Variants in PNOC observed in about 807,000 individuals in gnomAD.
The protein encoded by PNOC is prepronociceptin, also known as nociceptin.
A neutral mutation model predicts 15.6 loss-of-function variants in PNOC; 10 were observed. That is an observed-to-expected ratio of 0.64 (90% confidence interval 0.40 to 1.09). The LOEUF is 1.09. PNOC is among the 50% of genes least tolerant of loss of function. PNOC has a pLI of 0.01. For synonymous variants in PNOC, 98 were observed against 88.5 expected, an observed-to-expected ratio of 1.11 and a Z score of -0.60; for missense variants, 220 against 223.9, an observed-to-expected ratio of 0.98 and a Z score of 0.11.
chr8:28,319,520 T>C (rs908566567), intron 1 of PNOC, among the ~76,000 whole-genome samples: 1 of 152,124 alleles, frequency 6.6e-6, no homozygotes, highest in Non-Finnish European at 1.5e-5. Context: ...ACACATAAAA[T>C]GAGGGCAAAG....
intron 3 of PNOC, 151 bp downstream of exon 3, chr8:28,339,642 T>C: frequency 1.8e-6 from 1 of 549,358 alleles, no homozygotes; most frequent in Non-Finnish European, 2.9e-6. Flanking sequence ...CCACCCTTTC[T>C]CTAGGCAGCA....
At chr8:28,329,431 A>C in intron 2 of PNOC, 148 bp downstream of exon 2, 1 of 820,760 alleles carries the variant, frequency 1.2e-6, no homozygotes, top group Non-Finnish European at 1.9e-6. Context: ...TAGGAAACAG[A>C]TCAGACAGGA....
At chr8:28,342,726 C>A (rs1045964491) in intron 3 of PNOC, among the ~76,000 whole-genome samples, 3 of 152,320 alleles carry the variant, frequency 2.0e-5, no homozygotes, top group Non-Finnish European at 2.9e-5. Flanking sequence ...AGCCTACAGA[C>A]CTCCCGTTTA....
rs944251750 is a variant in PNOC, at chr8:28,342,979, CCA to C, written c.*86_*87del. The C allele has an allele frequency of 1.7e-5, 17 of 985,310 alleles. No individual in the cohort carries two copies. In the African/African-American group the frequency reaches 3.0e-4, roughly 17 times the overall value. The allele number at this position is 985,310 out of a possible 1,614,324, so 61.0% of individuals were successfully genotyped here. On this transcript the variant is annotated 3_prime_UTR_variant, in exon 4 of 4. Coordinates refer to ENST00000301908, the MANE Select transcript of PNOC (RefSeq NM_006228.5). ...TCCCCCAAACAGCATGTGCTCAGCC[CCA>C]GACCTGCCGCCTGGGAATCAGGATT...
At chr8:28,320,586 C>T (rs948420149) in intron 1 of PNOC, among the ~76,000 whole-genome samples, 2 of 152,160 alleles carry the variant, frequency 1.3e-5, no homozygotes, top group Non-Finnish European at 2.9e-5. Flanking sequence ...CGCAGTGGCT[C>T]ATGCCTGTAA....
At chr8:28,331,384 G>C (rs947996548) in intron 2 of PNOC, among the ~76,000 whole-genome samples, 4 of 152,032 alleles carry the variant, frequency 2.6e-5, no homozygotes, top group Admixed American at 6.6e-5. Context: ...CGGTCCATGT[G>C]CCTCATTCTC....
intron 3 of PNOC, among the ~76,000 whole-genome samples, chr8:28,341,546 A>G (rs1801518963): frequency 6.6e-6 from 1 of 152,210 alleles, no homozygotes; most frequent in Non-Finnish European, 1.5e-5. Context: ...TCTTTACCTA[A>G]ACACAGTTGA....
At chr8:28,320,709 G>A (rs1376824265) in intron 1 of PNOC, among the ~76,000 whole-genome samples, 1 of 151,894 alleles carries the variant, frequency 6.6e-6, no homozygotes, top group Non-Finnish European at 1.5e-5. Context: ...AAATTCTCTG[G>A]GCGTGGCGGT....
At chr8:28,342,679 C>G (rs1801543173) in intron 3 of PNOC, among the ~76,000 whole-genome samples, 1 of 152,192 alleles carries the variant, frequency 6.6e-6, no homozygotes, top group African/African-American at 2.4e-5. Context: ...AGAACTGTTC[C>G]CCGGGAAGGG....
chr8:28,318,566 C>CTT (rs1184591167), intron 1 of PNOC, among the ~76,000 whole-genome samples: 1 of 152,198 alleles, frequency 6.6e-6, no homozygotes, highest in African/African-American at 2.4e-5. Context: ...CATGCAGCCT[C>CTT]TTTTTTTCTC....
intron 1 of PNOC, among the ~76,000 whole-genome samples, chr8:28,324,471 G>A (rs754655903): frequency 2.6e-5 from 4 of 152,162 alleles, no homozygotes; most frequent in South Asian, 2.1e-4. Context: ...TTTCTTCTGC[G>A]ACGTATAGCC....
At chr8:28,330,289 G>C (rs1411412318) in intron 2 of PNOC, among the ~76,000 whole-genome samples, 1 of 151,620 alleles carries the variant, frequency 6.6e-6, no homozygotes. Flanking sequence ...TGCAGATTTA[G>C]TATCCTGAAA....
chr8:28,317,679 G>A (rs143648722), intron 1 of PNOC, among the ~76,000 whole-genome samples: 2 of 152,200 alleles, frequency 1.3e-5, no homozygotes, highest in African/African-American at 4.8e-5. Flanking sequence ...GCACTTGGGA[G>A]GGGGTTTGCC....
intron 1 of PNOC, among the ~76,000 whole-genome samples, chr8:28,328,259 A>G (rs1585831169): frequency 6.6e-6 from 1 of 151,324 alleles, no homozygotes. Context: ...ATTTTTAGTA[A>G]AGACAGGGTT....
chr8:28,331,671 C>T (rs989314318), intron 2 of PNOC, among the ~76,000 whole-genome samples: 6 of 152,342 alleles, frequency 3.9e-5, no homozygotes, highest in Middle Eastern at 3.4e-3. Flanking sequence ...CCTCCTCCCC[C>T]ATCCATAAAT....
At chr8:28,320,327 G>A (rs1040763281) in intron 1 of PNOC, among the ~76,000 whole-genome samples, 3 of 151,402 alleles carry the variant, frequency 2.0e-5, no homozygotes, top group Non-Finnish European at 2.9e-5. Context: ...TCATTCATTC[G>A]GCCAAGGAAC....
chr8:28,317,118 G>C, upstream of PNOC: 1 of 152,844 alleles, frequency 6.5e-6, no homozygotes, highest in Non-Finnish European at 1.5e-5. Flanking sequence ...TGGCAGAGCC[G>C]GGGGAAGGGA....
Position 28,339,393 on chromosome 8 carries a change from C to A in PNOC, c.480C>A (p.Ser160Arg). 6.4e-7 allele frequency: 1 copy of A among 1,566,946 alleles called. No homozygotes were observed. ...TTATGAGGCAATACTTGGTCCTGAGCATGCAGTCCAGCCAGCGCCGGCGCA... is the reference window on the plus strand; with the variant it reads ...TTATGAGGCAATACTTGGTCCTGAGAATGCAGTCCAGCCAGCGCCGGCGCA... Reference protein sequence around the residue: ...SEFMRQYLVLSMQSSQRRRTL... With the variant: ...SEFMRQYLVLRMQSSQRRRTL... Residue 160 changes from serine (S) to arginine (R), a missense_variant, in exon 3 of 4, where the codon AGC becomes AGA. Ser to Arg is a moderately radical substitution (Grantham distance 110). Transcript: ENST00000301908.
At chr8:28,338,989 TTAACAGAG>T in intron 2 of PNOC, 43 bp from the exon 3 acceptor site, 1 of 1,479,688 alleles carries the variant, frequency 6.8e-7, no homozygotes, top group South Asian at 1.3e-5. Context: ...TCGCCCTGGA[TTAACAGAG>T]GTCCTTGTTC....
Sources: allele counts gnomAD v4.1 joint callset (sites outside exome capture counted in the v4.1 genomes callset), GRCh38; gene constraint gnomAD v4.1.1; transcripts MANE v1.5; gene names NCBI Gene and HGNC (gene_info 2026-07-23, HGNC 2026-07-21).